The following ITPK1 variants were observed in gnomAD, a reference collection of about 807,000 sequenced individuals.
The protein encoded by ITPK1 is inositol 1,3,4-trisphosphate 5/6-kinase.
A neutral mutation model predicts 45.3 loss-of-function variants in ITPK1; 21 were observed. The observed-to-expected ratio is 0.46, with a 90% confidence interval of 0.33 to 0.67. The LOEUF is 0.67. Among genes scored for constraint, ITPK1 ranks in the 30% least tolerant of loss-of-function variants. ITPK1 has a pLI of 0.02. For missense variants in ITPK1, 474 were observed against 573.5 expected (o/e 0.83, Z 1.77); for synonymous variants, 258 against 253.6 (o/e 1.02, Z -0.16).
intron 3 of ITPK1, among the ~76,000 whole-genome samples, chr14:93,025,955 C>T (rs1305964370): frequency 6.6e-6 from 1 of 152,064 alleles, no homozygotes; most frequent in Non-Finnish European, 1.5e-5. Flanking sequence ...GAGTGAGACC[C>T]CATCTCTAAA....
chr14:92,989,822 C>A (rs1320327683), intron 5 of ITPK1, among the ~76,000 whole-genome samples: 1 of 152,126 alleles, frequency 6.6e-6, no homozygotes, highest in African/African-American at 2.4e-5. Flanking sequence ...TGGGTATAGG[C>A]ATGGCTGCCT....
At chr14:92,969,594 T>A (rs147693186) in intron 5 of ITPK1, among the ~76,000 whole-genome samples, 2,754 of 152,304 alleles carry the variant, frequency 0.018, 72 homozygotes, top group Admixed American at 0.08. Context: ...AAGCCCCTTC[T>A]GCCTGCCTGA....
intron 5 of ITPK1, among the ~76,000 whole-genome samples, chr14:92,966,931 T>A (rs1885400433): frequency 6.6e-6 from 1 of 152,214 alleles, no homozygotes; most frequent in African/African-American, 2.4e-5. Context: ...TCACATCGTA[T>A]ACAAAATTAA....
At position 93,034,036 on chromosome 14, in the gene ITPK1, G is replaced by C. The variant is rs989684143; in HGVS notation, c.121-17235C>G. Among the ~76,000 whole-genome samples the C allele has an allele frequency of 6.6e-6, 1 of 152,110 alleles. No homozygotes were observed. The highest frequency in any genetic ancestry group is 1.5e-5 in the Non-Finnish European group (1 of 68,008). On this transcript the variant is annotated intron_variant, in intron 3 of 10. Coordinates refer to ENST00000267615, the MANE Select transcript of ITPK1 (RefSeq NM_014216.6). The surrounding 1 kb of genome is among the most constrained non-coding windows in gnomAD (Gnocchi z 4.1). The stretch of plus-strand genomic sequence containing the variant: ...GCAGCCTTTTTCCAAACTCAGGAAT[G>C]GGGGAGAAAGAGTGGGCTCTGATGC...
At chr14:93,069,957 G>A (rs898909885) in intron 3 of ITPK1, 4 of 152,232 alleles carry the variant, frequency 2.6e-5, no homozygotes, top group Non-Finnish European at 5.9e-5. Context: ...TTCCTTGCCT[G>A]CTTGAGAAAC....
chr14:93,016,225 C>T lies in ITPK1; in HGVS notation c.246+451G>A, dbSNP rs1367945837. Among the ~76,000 whole-genome samples the T allele has an allele frequency of 6.6e-6, 1 of 152,058 alleles. No individual in the cohort carries two copies. Among genetic ancestry groups the T allele is most frequent in the Non-Finnish European group, 1.5e-5 (1 of 68,014 alleles). On this transcript the variant is annotated intron_variant, in intron 4 of 10. Transcript: ENST00000267615. The surrounding 1 kb of genome is among the most constrained non-coding windows in gnomAD (Gnocchi z 5.0). ...CTCAGGCCATGCTCAAAGGTGAGTA[C>T]CCAGGTCAAAGTAATGGGCAGAGGC...
At chr14:92,998,443 C>T (rs927528044) in intron 4 of ITPK1, among the ~76,000 whole-genome samples, 1 of 152,188 alleles carries the variant, frequency 6.6e-6, no homozygotes, top group Non-Finnish European at 1.5e-5. Flanking sequence ...CAGGCAGCGA[C>T]CTTCCAAGGG....
rs372559535 is a variant in ITPK1 at position 92,958,329 on chromosome 14, A to G, written c.542T>C (p.Ile181Thr). The change falls in exon 8 of 11, where the codon ATC becomes ACC. Residue 181 changes from isoleucine (I) to threonine (T), a missense_variant. Physicochemically the swap from Ile to Thr is moderately conservative, Grantham distance 89. Coordinates refer to ENST00000267615, the MANE Select transcript of ITPK1 (RefSeq NM_014216.6). The surrounding 1 kb of genome is among the most constrained non-coding windows in gnomAD (Gnocchi z 4.4). Reference sequence around the variant, plus strand: ...ATTCTGGACCACGCAGGGTGGCTGGATGGCGTTCAGGCCCTCCTGGTTGAA... The same window carrying G: ...ATTCTGGACCACGCAGGGTGGCTGGGTGGCGTTCAGGCCCTCCTGGTTGAA... ...IVFNQEGLNAIQPPCVVQNFI... is the reference protein window; with the variant it reads ...IVFNQEGLNATQPPCVVQNFI... 1.2e-5 allele frequency: 19 copies of G among 1,614,082 alleles called. No individual in the cohort carries two copies. In the African/African-American group the frequency reaches 2.4e-4, roughly 20 times the overall value.
At chr14:93,105,169 C>G (rs2140029977) in intron 2 of ITPK1, among the ~76,000 whole-genome samples, 1 of 152,274 alleles carries the variant, frequency 6.6e-6, no homozygotes, top group East Asian at 1.9e-4. Context: ...TCCAGTGAGG[C>G]CTCAGGTGAA....
intron 3 of ITPK1, chr14:93,066,305 CATGTGTGTGTGTGT>C (rs1566766041): frequency 2.2e-5 from 10 of 450,028 alleles, no homozygotes; most frequent in South Asian, 7.8e-5. Flanking sequence ...TGTGCGCGTG[CATGTGTGTGTGTGT>C]ATGTGTGTGT....
Position 93,090,990 on chromosome 14 carries a change from T to C in ITPK1, c.96-14371A>G, listed in dbSNP as rs73333925. Among the ~76,000 whole-genome samples the C allele has an allele frequency of 2.1e-3, 315 of 152,168 alleles. 1 individual carries two copies. The highest frequency in any genetic ancestry group is 7.3e-3 in the African/African-American group (305 of 41,516). ...CTCATCCCTTCCTCCGCAATCACCA[T>C]GGAAAGGTTTCCCTGGGGCTTGCAG... On this transcript the variant is annotated intron_variant, in intron 2 of 10. Coordinates refer to ENST00000267615, the MANE Select transcript of ITPK1 (RefSeq NM_014216.6).
chr14:93,103,038 T>C (rs1595219049), intron 2 of ITPK1, among the ~76,000 whole-genome samples: 1 of 138,942 alleles, frequency 7.2e-6, no homozygotes, highest in Admixed American at 7.7e-5. Flanking sequence ...AGGCGGAGCT[T>C]GCAGTGAGCC....
At chr14:92,981,594 T>A (rs1166027803) in intron 5 of ITPK1, among the ~76,000 whole-genome samples, 1 of 152,148 alleles carries the variant, frequency 6.6e-6, no homozygotes, top group Non-Finnish European at 1.5e-5. Flanking sequence ...CCCCAGTGCA[T>A]CTCCTTCTTA....
Position 93,034,659 on chromosome 14 carries a change from G to C in ITPK1, c.121-17858C>G, listed in dbSNP as rs1889238450. Among the ~76,000 whole-genome samples the C allele has an allele frequency of 6.6e-6, 1 of 152,256 alleles. No homozygotes were observed. Among genetic ancestry groups the C allele is most frequent in the African/African-American group, 2.4e-5 (1 of 41,470 alleles). On this transcript the variant is annotated intron_variant, in intron 3 of 10. Coordinates refer to ENST00000267615, the MANE Select transcript of ITPK1 (RefSeq NM_014216.6). This position sits in a 1 kb window ranked among gnomAD's most constrained non-coding sequence, Gnocchi z 4.1. ...TCAGTGAAAGCCTATGGCTAAGTGG[G>C]CACATAATGACCCACCAAGCAAGGG... is the stretch of plus-strand genomic sequence containing the variant.
chr14:93,054,312 C>T lies in ITPK1; in HGVS notation c.120+22283G>A, dbSNP rs528647633. On this transcript the variant is annotated intron_variant, in intron 3 of 10. Transcript: ENST00000267615. Reference sequence around the variant, plus strand: ...ACGCAGGTTTTAATAAACTGATTGACAGAAACTGGAGCCCATGTCTGCTGC... The same window carrying T: ...ACGCAGGTTTTAATAAACTGATTGATAGAAACTGGAGCCCATGTCTGCTGC... Among the ~76,000 whole-genome samples, 6 of 152,300 alleles carry T rather than the reference C, an allele frequency of 3.9e-5. No individual in the cohort carries two copies. The South Asian group carries it at 8.3e-4, about 21-fold the overall frequency.
chr14:92,982,193 T>C (rs193234099), intron 5 of ITPK1, among the ~76,000 whole-genome samples: 1 of 152,356 alleles, frequency 6.6e-6, no homozygotes, highest in East Asian at 1.9e-4. Context: ...AGGCAGAATC[T>C]AAGTCAACCC....
chr14:93,037,759 G>A (rs1889381216), intron 3 of ITPK1, among the ~76,000 whole-genome samples: 1 of 152,242 alleles, frequency 6.6e-6, no homozygotes, highest in Admixed American at 6.5e-5. Context: ...GACTCAGGCA[G>A]AATAAAGATA....
At chr14:93,035,986 G>T (rs1187420987) in intron 3 of ITPK1, among the ~76,000 whole-genome samples, 1 of 152,214 alleles carries the variant, frequency 6.6e-6, no homozygotes, top group Non-Finnish European at 1.5e-5. Flanking sequence ...ACTCCGGCAC[G>T]TGATGACTAA....
intron 3 of ITPK1, among the ~76,000 whole-genome samples, chr14:93,057,727 T>C (rs986306180): frequency 8.5e-5 from 13 of 152,162 alleles, no homozygotes; most frequent in African/African-American, 3.1e-4. Flanking sequence ...CCCAGTCTCC[T>C]GCGGCCCCAG....
Sources: allele counts gnomAD v4.1 joint callset (sites outside exome capture counted in the v4.1 genomes callset), GRCh38; gene constraint gnomAD v4.1.1; non-coding constraint Gnocchi (gnomAD v3.1); transcripts MANE v1.5; gene names NCBI Gene and HGNC (gene_info 2026-07-23, HGNC 2026-07-21).